Variants in FBXL4 observed in about 807,000 individuals in gnomAD.
The protein encoded by FBXL4 is F-box and leucine rich repeat protein 4.
In FBXL4, 40 loss-of-function variants were observed where a neutral mutation model predicts 58.9. The observed-to-expected ratio is 0.68, with a 90% CI of 0.53 to 0.88. The LOEUF is 0.88. Among genes scored for constraint, FBXL4 ranks in the 40% least tolerant of loss-of-function variants. The pLI, the probability that FBXL4 is intolerant of heterozygous loss-of-function variation, is 0.00. For missense variants in FBXL4, 676 were observed against 734.4 expected (o/e 0.92, Z 0.92); for synonymous variants, 263 against 265.5 (o/e 0.99, Z 0.09).
In FBXL4 at chr6:98,930,346, C is replaced by A. The variant is rs184946707; in HGVS notation, c.-190-2524G>T. Among the ~76,000 whole-genome samples, 251 of 152,292 alleles carry A rather than the reference C, an allele frequency of 1.6e-3. 2 individuals are homozygous for A. The highest frequency in any genetic ancestry group is 5.5e-3 in the African/African-American group (230 of 41,558). On this transcript the variant is annotated intron_variant, in intron 2 of 9. Coordinates refer to ENST00000369244, the MANE Select transcript of FBXL4 (RefSeq NM_001278716.2). ...CAGGTGGGAGAATCACTTGAGCCCGCCGGGGCGGAAGTTGCAGTGAGCCGA... is the reference window on the plus strand; with the variant it reads ...CAGGTGGGAGAATCACTTGAGCCCGACGGGGCGGAAGTTGCAGTGAGCCGA...
chr6:98,899,209 A>G, intron 7 of FBXL4, 59 bp downstream of exon 7: 1 of 1,590,260 alleles, frequency 6.3e-7, no homozygotes. Context: ...AATTACAGAA[A>G]ACCAAATCTT....
chr6:98,917,335 T>C (rs746293212), intron 5 of FBXL4, 39 bp downstream of exon 5: 1 of 1,318,316 alleles, frequency 7.6e-7, no homozygotes, highest in South Asian at 1.5e-5. Flanking sequence ...AAATCTATAG[T>C]GTTATATCCA....
chr6:98,936,510 T>C (rs1773223985), intron 1 of FBXL4, among the ~76,000 whole-genome samples: 1 of 152,212 alleles, frequency 6.6e-6, no homozygotes, highest in Admixed American at 6.5e-5. Context: ...GACTGACCCA[T>C]CCTCTTCCTC....
At position 98,926,655 on chromosome 6, in the gene FBXL4, A is replaced by C; in HGVS notation, c.334T>G (p.Leu112Val). 28 of 1,614,168 alleles carry C rather than the reference A, an allele frequency of 1.7e-5. No homozygotes were observed. Among genetic ancestry groups the C allele is most frequent in the Non-Finnish European group, 2.4e-5 (28 of 1,180,016 alleles). ...TTAGGTGGCGTCCTCTTGAATGGCA[A>C]GGAAGCACTAGGACACTGATCCCAC... ...TWWDQCPSASLPFKRTPPNFQ... is the reference protein window; with the variant it reads ...TWWDQCPSASVPFKRTPPNFQ... Residue 112 changes from leucine to valine, a missense_variant, in exon 4 of 10, where the codon TTG becomes GTG. By Grantham distance (32) the Leu-to-Val change is conservative. Coordinates refer to ENST00000369244, the MANE Select transcript of FBXL4 (RefSeq NM_001278716.2).
At chr6:98,937,557 G>A (rs1172863667) in intron 1 of FBXL4, among the ~76,000 whole-genome samples, 1 of 152,144 alleles carries the variant, frequency 6.6e-6, no homozygotes, top group Non-Finnish European at 1.5e-5. Flanking sequence ...ATGTTGAGTA[G>A]GCTGAGAAGG....
intron 7 of FBXL4, among the ~76,000 whole-genome samples, chr6:98,889,670 C>T (rs1248264203): frequency 7.1e-6 from 1 of 139,986 alleles, no homozygotes; most frequent in Non-Finnish European, 1.5e-5. Context: ...CAGAGTGACA[C>T]CCTGTCTCAA....
At chr6:98,930,323 G>A (rs1454227036) in intron 2 of FBXL4, among the ~76,000 whole-genome samples, 2 of 152,220 alleles carry the variant, frequency 1.3e-5, no homozygotes, top group Admixed American at 6.5e-5. Flanking sequence ...GGGAGGCCCA[G>A]GTGGGAGAAT....
At chr6:98,944,843 G>A (rs762426508) in intron 1 of FBXL4, among the ~76,000 whole-genome samples, 6 of 152,096 alleles carry the variant, frequency 3.9e-5, no homozygotes, top group Non-Finnish European at 8.8e-5. Context: ...AGTGTCACTG[G>A]GCTCTTATCA....
intron 7 of FBXL4, chr6:98,898,136 T>TA (rs992766104): frequency 9.8e-6 from 2 of 203,128 alleles, no homozygotes; most frequent in Non-Finnish European, 1.7e-5. Context: ...AAGCCATCTC[T>TA]AAAAAAATAT....
chr6:98,892,489 T>C (rs913795601), intron 7 of FBXL4, among the ~76,000 whole-genome samples: 4 of 152,204 alleles, frequency 2.6e-5, no homozygotes, highest in African/African-American at 4.8e-5. Context: ...CTTACCAAAA[T>C]ACAATAATGT....
At chr6:98,918,610 G>A (rs375164272) in intron 4 of FBXL4, among the ~76,000 whole-genome samples, 5 of 151,986 alleles carry the variant, frequency 3.3e-5, no homozygotes, top group African/African-American at 9.7e-5. Flanking sequence ...TCATATGTCA[G>A]TTAACTATTT....
rs57952065 is a variant in FBXL4 at position 98,879,942 on chromosome 6, C to CAAAA, written c.1389+607_1389+610dup. ...CGGGCAACAGAGCAAGACTCCATCT[C>CAAAA]AAAAAAAAAAAAAAAAAAAAAAAAA... On this transcript the variant is annotated intron_variant, in intron 8 of 9. Transcript: ENST00000369244. Among the ~76,000 whole-genome samples the CAAAA allele has an allele frequency of 4.6e-4, 29 of 62,482 alleles. 2 individuals are homozygous for CAAAA. The highest frequency in any genetic ancestry group is 6.3e-4 in the South Asian group (1 of 1,590). The allele number at this position is 62,482 out of a possible 152,430, so 41.0% of individuals were successfully genotyped here. A position where few individuals can be genotyped will look rare whatever the true frequency, so the allele number is the denominator to read the frequency against.
intron 4 of FBXL4, among the ~76,000 whole-genome samples, chr6:98,925,999 C>T (rs1772764314): frequency 6.6e-6 from 1 of 152,130 alleles, no homozygotes; most frequent in Non-Finnish European, 1.5e-5. Context: ...TTACTTAAAG[C>T]AACATTGATT....
At chr6:98,937,020 C>T (rs555287801) in intron 1 of FBXL4, among the ~76,000 whole-genome samples, 2 of 152,032 alleles carry the variant, frequency 1.3e-5, no homozygotes, top group African/African-American at 4.8e-5. Flanking sequence ...GTAAAAAAAT[C>T]TGAATATAGG....
At chr6:98,947,723 G>GCTGGCTCGGCCCCGGCC (rs1773680803) in intron 1 of FBXL4, 83 bp downstream of exon 1, 1 of 151,938 alleles carries the variant, frequency 6.6e-6, no homozygotes, top group African/African-American at 2.4e-5. Context: ...GGAGCTGCGC[G>GCTGGCTCGGCCCCGGCC]CTGGCTCGGC....
intron 1 of FBXL4, among the ~76,000 whole-genome samples, chr6:98,947,410 G>T (rs1174708258): frequency 6.6e-6 from 1 of 152,264 alleles, no homozygotes; most frequent in Admixed American, 6.5e-5. Flanking sequence ...AGCAGGCACA[G>T]GAATCACAAG....
chr6:98,936,544 G>A (rs1369901543), intron 1 of FBXL4, among the ~76,000 whole-genome samples: 1 of 152,098 alleles, frequency 6.6e-6, no homozygotes, highest in East Asian at 1.9e-4. Context: ...TTAACATGAC[G>A]ACAATGAGGA....
At position 98,899,278 on chromosome 6, in the gene FBXL4, G is replaced by T. The variant is rs1198475679; in HGVS notation, c.1307C>A (p.Thr436Lys). 2.5e-6 allele frequency: 4 copies of T among 1,613,642 alleles called. No homozygotes were observed. The African/African-American group carries it at 5.3e-5, about 22-fold the overall frequency. Residue 436 changes from threonine (T) to lysine (K), a missense_variant, in exon 7 of 10, where the codon ACA (threonine) becomes AAA (lysine). By Grantham distance (78) the Thr-to-Lys change is moderately conservative. Coordinates refer to ENST00000369244, the MANE Select transcript of FBXL4 (RefSeq NM_001278716.2). ...CSLKRLVLYR[T>K]KVEQTALLSI... is the part of the protein sequence containing the mutation. ...ATGAATTACTCTCACCTCTACTTTT[G>T]TTCGATAGAGAACAAGTCGTTTAAG...
intron 5 of FBXL4, among the ~76,000 whole-genome samples, chr6:98,907,806 GC>G (rs889459387): frequency 1.3e-5 from 2 of 151,960 alleles, no homozygotes; most frequent in African/African-American, 4.8e-5. Flanking sequence ...ACTGTTTTAA[GC>G]CAAAATATCA....
Sources: allele counts gnomAD v4.1 joint callset (sites outside exome capture counted in the v4.1 genomes callset), GRCh38; gene constraint gnomAD v4.1.1; transcripts MANE v1.5; gene names NCBI Gene and HGNC (gene_info 2026-07-23, HGNC 2026-07-21).